The following CHN2 variants were observed in gnomAD, a reference collection of about 807,000 sequenced individuals.
The protein encoded by CHN2 is chimerin 2.
In CHN2, 35 loss-of-function variants were observed where a neutral mutation model predicts 56.3. That is an observed-to-expected ratio of 0.62 (90% confidence interval 0.47 to 0.82). The LOEUF is 0.82. CHN2 is among the 40% of genes least tolerant of loss of function. The probability of loss-of-function intolerance (pLI) is 0.00; values close to 1 mark genes in which losing one functional copy is unlikely to be tolerated. For synonymous variants in CHN2, 210 were observed against 212.8 expected, an observed-to-expected ratio of 0.99 and a Z score of 0.12; for missense variants, 491 against 580.5, an observed-to-expected ratio of 0.85 and a Z score of 1.58.
At chr7:29,371,470 C>G (rs1799611503) in intron 3 of CHN2, among the ~76,000 whole-genome samples, 1 of 152,208 alleles carries the variant, frequency 6.6e-6, no homozygotes, top group Non-Finnish European at 1.5e-5. Flanking sequence ...CCGACAGATG[C>G]AAAACATCTT....
intron 7 of CHN2, among the ~76,000 whole-genome samples, chr7:29,484,752 A>C (rs941632216): frequency 6.6e-6 from 1 of 152,214 alleles, no homozygotes; most frequent in African/African-American, 2.4e-5. Context: ...AACCCGTTAT[A>C]GGAACTGTAA....
chr7:29,146,684 G>A (rs1792738602), exon 1 of CHN2: 2 of 1,550,538 alleles, frequency 1.3e-6, no homozygotes, highest in African/African-American at 1.4e-5. Flanking sequence ...GCTGGAAGAA[G>A]CAAGCAGCCC....
intron 2 of CHN2, among the ~76,000 whole-genome samples, chr7:29,183,481 A>G (rs1798326121): frequency 6.6e-6 from 1 of 151,674 alleles, no homozygotes; most frequent in Non-Finnish European, 1.5e-5. Context: ...GGTTCAAACA[A>G]TTCTCTTGCC....
At chr7:29,316,080 C>T (rs545759049) in intron 1 of CHN2, among the ~76,000 whole-genome samples, 2 of 152,196 alleles carry the variant, frequency 1.3e-5, no homozygotes, top group Non-Finnish European at 2.9e-5. Flanking sequence ...GGGCTCAGCA[C>T]GCAGCTGTCA....
At chr7:29,433,674 T>A (rs1783011041) in intron 6 of CHN2, among the ~76,000 whole-genome samples, 1 of 152,026 alleles carries the variant, frequency 6.6e-6, no homozygotes, top group South Asian at 2.1e-4. Context: ...CCGTCTCTAC[T>A]AAAAATACAA....
intron 2 of CHN2, among the ~76,000 whole-genome samples, chr7:29,147,981 C>G (rs957680321): frequency 2.6e-5 from 4 of 152,320 alleles, no homozygotes; most frequent in East Asian, 1.9e-4. Context: ...GCCACCTCCT[C>G]TCTTCCCACA....
chr7:29,451,194 G>A (rs564690304), intron 6 of CHN2, among the ~76,000 whole-genome samples: 55 of 152,276 alleles, frequency 3.6e-4, no homozygotes, highest in Admixed American at 6.5e-4. Context: ...ACAAGTTACT[G>A]GACTGGGGTT....
intron 6 of CHN2, among the ~76,000 whole-genome samples, chr7:29,457,322 C>T (rs1050713828): frequency 6.6e-6 from 1 of 152,116 alleles, no homozygotes; most frequent in African/African-American, 2.4e-5. Flanking sequence ...TCTGTGCTCC[C>T]GCTGAGTGAT....
rs1796990056 is a variant in CHN2, at chr7:29,174,354, C to T, written c.274+27394C>T. Reference sequence around the variant, plus strand: ...CTGGGGAAAGGACAGAAGCAAAAGTCATCAGTCCCTGAGGAGAGACAGTAA... The same window carrying T: ...CTGGGGAAAGGACAGAAGCAAAAGTTATCAGTCCCTGAGGAGAGACAGTAA... On this transcript the variant is annotated intron_variant, in intron 2 of 6. Transcript: ENST00000439384. 2.6e-5 allele frequency among the ~76,000 whole-genome samples: 4 copies of T among 152,176 alleles called. No individual in the cohort carries two copies. In the South Asian group the frequency reaches 8.3e-4, roughly 32 times the overall value.
rs146407931 is a variant in CHN2 at position 29,239,349 on chromosome 7, A to T, written c.49+44359A>T. 1.2e-4 allele frequency among the ~76,000 whole-genome samples: 19 copies of T among 152,280 alleles called. No homozygotes were observed. The East Asian group carries it at 3.7e-3, about 29-fold the overall frequency. On this transcript the variant is annotated intron_variant, in intron 1 of 12. Coordinates refer to ENST00000222792, the MANE Select transcript of CHN2 (RefSeq NM_004067.4). ...ATAGAGGTGCCATTAACTGAGATGG[A>T]AAAGATGTTAGGAGAAGCAGGTTTG...
rs139195013 is a variant in CHN2 at position 29,496,308 on chromosome 7, C to T, written c.739+272C>T. On this transcript the variant is annotated intron_variant, in intron 8 of 12. Transcript: ENST00000222792. ...CTGCCTCTTACAATAGGCAGTAGTC[C>T]GTAAAAGAAAAAAAAAATCAATTCC... 6.2e-3 allele frequency among the ~76,000 whole-genome samples: 938 copies of T among 151,102 alleles called. 14 individuals are homozygous for T. Among genetic ancestry groups the T allele is most frequent in the African/African-American group, 0.022 (887 of 41,030 alleles).
intron 6 of CHN2, among the ~76,000 whole-genome samples, chr7:29,477,008 T>C (rs1250906413): frequency 1.3e-5 from 2 of 152,200 alleles, no homozygotes; most frequent in African/African-American, 4.8e-5. Context: ...GAGAACACTA[T>C]ATTAGACATT....
At position 29,180,928 on chromosome 7, in the gene CHN2, A is replaced by C. The variant is rs561757113; in HGVS notation, c.274+33968A>C. The stretch of plus-strand genomic sequence containing the variant: ...GAGTACGTAAGATCATACATAAACA[A>C]CTCTTGGTACCAATCACTGGTACCC... On this transcript the variant is annotated intron_variant, in intron 2 of 6. Coordinates refer to the CHN2 transcript ENST00000439384. Among the ~76,000 whole-genome samples the C allele has an allele frequency of 2.8e-4, 42 of 152,250 alleles. 2 individuals carry two copies. The South Asian group carries it at 8.7e-3, about 32-fold the overall frequency.
intron 6 of CHN2, among the ~76,000 whole-genome samples, chr7:29,453,924 T>G (rs983284186): frequency 6.6e-6 from 1 of 152,210 alleles, no homozygotes; most frequent in Non-Finnish European, 1.5e-5. Flanking sequence ...CTGCCCTTAC[T>G]CATCCTTTCA....
intron 6 of CHN2, among the ~76,000 whole-genome samples, chr7:29,430,326 C>T (rs538982479): frequency 6.6e-6 from 1 of 152,264 alleles, no homozygotes; most frequent in Admixed American, 6.5e-5. Context: ...GATTGCTGTT[C>T]CATCACAGGT....
intron 3 of CHN2, among the ~76,000 whole-genome samples, chr7:29,374,317 A>G (rs1295182257): frequency 6.6e-6 from 1 of 152,182 alleles, no homozygotes; most frequent in Non-Finnish European, 1.5e-5. Flanking sequence ...GGAAAAATCT[A>G]GTAACACCAA....
rs541792526 is a variant in CHN2, at chr7:29,442,934, C to CTTTTTTTTTTTTTTTTTTTTTTTTTTTT, written c.577-37328_577-37327insTTTTTTTTTTTTTTTTTTTTTTTTTTTT. On this transcript the variant is annotated intron_variant, in intron 6 of 12. Transcript: ENST00000222792. The stretch of plus-strand genomic sequence containing the variant: ...CATCGCTTTCAATTTCATTGAATTT[C>CTTTTTTTTTTTTTTTTTTTTTTTTTTTT]TTTTTTTTTTTTTTTTTGAGACGGA... 8.7e-5 allele frequency among the ~76,000 whole-genome samples: 9 copies of CTTTTTTTTTTTTTTTTTTTTTTTTTTTT among 103,066 alleles called. 1 individual carries two copies. Among genetic ancestry groups the CTTTTTTTTTTTTTTTTTTTTTTTTTTTT allele is most frequent in the South Asian group, 3.2e-4 (1 of 3,120 alleles). 67.6% of individuals were successfully genotyped at this position (103,066 alleles called of 152,430 possible).
chr7:29,305,366 T>C (rs1794056820), intron 1 of CHN2, among the ~76,000 whole-genome samples: 1 of 152,190 alleles, frequency 6.6e-6, no homozygotes, highest in Non-Finnish European at 1.5e-5. Flanking sequence ...AACATCCCTT[T>C]ACCTGCTGTC....
intron 1 of CHN2, among the ~76,000 whole-genome samples, chr7:29,239,982 C>G (rs570101876): frequency 1.3e-5 from 2 of 152,262 alleles, no homozygotes; most frequent in South Asian, 4.1e-4. Context: ...GCAACTAACT[C>G]AAACATTTTT....
Sources: gnomAD v4.1 joint callset for allele counts (sites outside exome capture counted in the v4.1 genomes callset) on GRCh38, gnomAD v4.1.1 for gene constraint, MANE v1.5 for transcripts, NCBI Gene and HGNC (gene_info 2026-07-23, HGNC 2026-07-21) for gene names.